Variants in PLAGL1 observed in about 807,000 individuals in gnomAD.
PLAGL1 encodes zinc finger protein PLAGL1.
A neutral mutation model predicts 4.6 loss-of-function variants in PLAGL1; 1 was observed. The ratio of observed to expected loss-of-function variants is 0.22; its 90% CI spans 0.08 to 1.03. The LOEUF is 1.03. Among genes scored for constraint, PLAGL1 ranks in the 50% least tolerant of loss-of-function variants. The probability of loss-of-function intolerance (pLI) is 0.58; values close to 1 mark genes in which losing one functional copy is unlikely to be tolerated. For missense variants in PLAGL1, 464 were observed against 570.4 expected, an observed-to-expected ratio of 0.81 and a Z score of 1.90; for synonymous variants, 240 against 237.8, an observed-to-expected ratio of 1.01 and a Z score of -0.08.
In PLAGL1 at chr6:144,061,560, CCAGT is replaced by C. The variant is rs1799402805; in HGVS notation, c.-151+2904_-151+2907del. On this transcript the variant is annotated intron_variant, in intron 1 of 3. Transcript: ENST00000437412. This position sits in a 1 kb window ranked among gnomAD's most constrained non-coding sequence, Gnocchi z 4.4. Reference sequence around the variant, plus strand: ...TGAGGACCTTGTTCAAGGTCACCAGCCAGTAAGTTATTCAAACTTGTTTAGCCCA... The same window carrying C: ...TGAGGACCTTGTTCAAGGTCACCAGCAAGTTATTCAAACTTGTTTAGCCCA... 6.6e-6 allele frequency among the ~76,000 whole-genome samples: 1 copy of C among 152,188 alleles called. No homozygotes were observed. Among genetic ancestry groups the C allele is most frequent in the African/African-American group, 2.4e-5 (1 of 41,436 alleles).
At position 143,976,998 on chromosome 6, in the gene PLAGL1, A is replaced by AT. The variant is rs961152648; in HGVS notation, c.-543-8021dup. ...AAAATATTTTCTAATTTCCTGTTCG[A>AT]TTTTTTTAAAATAGGCTACTTTTTA... is the stretch of plus-strand genomic sequence containing the variant. On this transcript the variant is annotated intron_variant, in intron 2 of 7. Coordinates refer to ENST00000674357, the MANE Select transcript of PLAGL1 (RefSeq NM_001317162.2). Among the ~76,000 whole-genome samples the AT allele has an allele frequency of 8.5e-5, 13 of 152,068 alleles. No individual in the cohort carries two copies. In the Middle Eastern group the frequency reaches 0.014, roughly 160 times the overall value.
rs1796400159 is a variant in PLAGL1 at position 144,027,198 on chromosome 6, T to G, written c.-151+37270A>C. The stretch of plus-strand genomic sequence containing the variant: ...ATGATCATGCCACTGCACTCCAGCT[T>G]GGGTGACAGAGAAAGACCCCAACTC... On this transcript the variant is annotated intron_variant, in intron 1 of 3. Coordinates refer to the PLAGL1 transcript ENST00000437412. The surrounding 1 kb of genome is among the most constrained non-coding windows in gnomAD (Gnocchi z 5.8). 7.0e-6 allele frequency among the ~76,000 whole-genome samples: 1 copy of G among 143,060 alleles called. No homozygotes were observed. The highest frequency in any genetic ancestry group is 1.5e-5 in the Non-Finnish European group (1 of 66,892). The allele number at this position is 143,060 out of a possible 152,430, so 93.9% of individuals were successfully genotyped here. A position where few individuals can be genotyped will look rare whatever the true frequency, so the allele number is the denominator to read the frequency against.
In PLAGL1 at chr6:144,050,459, G is replaced by A. The variant is rs942479633; in HGVS notation, c.-151+14009C>T. Among the ~76,000 whole-genome samples, 12 of 152,176 alleles carry A rather than the reference G, an allele frequency of 7.9e-5. No homozygotes were observed. The highest frequency in any genetic ancestry group is 2.9e-4 in the African/African-American group (12 of 41,436). ...TATGTTATTCTCTTTTCTTCTGTCT[G>A]AGGAGAGAAAGATTCTTCTACACTC... On this transcript the variant is annotated intron_variant, in intron 1 of 3. Coordinates refer to the PLAGL1 transcript ENST00000437412. This position sits in a 1 kb window ranked among gnomAD's most constrained non-coding sequence, Gnocchi z 4.3.
In PLAGL1 at chr6:143,941,868, C is replaced by G. The variant is rs147885532; in HGVS notation, c.948G>C (p.Leu316=). 8.6e-5 allele frequency: 139 copies of G among 1,614,088 alleles called. 1 individual carries two copies. The highest frequency in any genetic ancestry group is 1.1e-4 in the Non-Finnish European group (125 of 1,180,020). Residue 316 remains leucine, a synonymous_variant, in exon 8 of 8, where the codon CTG becomes CTC. Transcript: ENST00000674357. This position sits in a 1 kb window ranked among gnomAD's most constrained non-coding sequence, Gnocchi z 6.0. ...TSTSYSPLAS[L]PLKADTKGFC... ...AACCTTTAGTATCTGCTTTGAGGGGCAGGCTTGCAAGTGGGGAGTATGAGG... is the reference window on the plus strand; with the variant it reads ...AACCTTTAGTATCTGCTTTGAGGGGGAGGCTTGCAAGTGGGGAGTATGAGG...
intron 1 of PLAGL1, among the ~76,000 whole-genome samples, chr6:144,054,929 T>C (rs185004257): frequency 1.4e-4 from 22 of 152,116 alleles, no homozygotes; most frequent in African/African-American, 5.3e-4. Flanking sequence ...ATATAAATAA[T>C]AGAAATTTAA....
chr6:144,032,090 G>T lies in PLAGL1; in HGVS notation c.-151+32378C>A, dbSNP rs187565892. ...CACAATGGTTTTTATAAAATATATG[G>T]TATATCAAGTTTCTCCCTATAACTT... On this transcript the variant is annotated intron_variant, in intron 1 of 3. Transcript: ENST00000437412. Among the ~76,000 whole-genome samples the T allele has an allele frequency of 1.3e-3, 194 of 150,088 alleles. 4 individuals carry two copies. Among genetic ancestry groups the T allele is most frequent in the Non-Finnish European group, 3.3e-4 (22 of 67,608 alleles).
At chr6:144,040,561 A>C (rs1326461771) in intron 1 of PLAGL1, among the ~76,000 whole-genome samples, 1 of 147,360 alleles carries the variant, frequency 6.8e-6, no homozygotes, top group Non-Finnish European at 1.5e-5. Context: ...TAAAGAAAAC[A>C]ATGTCTAAAA....
In PLAGL1 at chr6:144,006,078, T is replaced by C. The variant is rs984815099; in HGVS notation, c.-584+2012A>G. 12 of 152,198 alleles carry C rather than the reference T, an allele frequency of 7.9e-5. No homozygotes were observed. Among genetic ancestry groups the C allele is most frequent in the African/African-American group, 2.2e-4 (9 of 41,470 alleles). 9.4% of individuals were successfully genotyped at this position (152,198 alleles called of 1,614,324 possible). ...AATGATGTTTTCTCCTAAATGCTTT[T>C]TGAAATATTATAAATTAAGTTATAA... On this transcript the variant is annotated intron_variant, in intron 1 of 7. Coordinates refer to ENST00000674357, the MANE Select transcript of PLAGL1 (RefSeq NM_001317162.2). The surrounding 1 kb of genome is among the most constrained non-coding windows in gnomAD (Gnocchi z 4.3).
rs1380335318 is a variant in PLAGL1, at chr6:144,048,638, C to A, written c.-151+15830G>T. ...ATGGCTGGGACACAGGGTGCCAAGT[C>A]CTGAGGCTACACAGAGCAGCATCAG... On this transcript the variant is annotated intron_variant, in intron 1 of 3. Coordinates refer to the PLAGL1 transcript ENST00000437412. The surrounding 1 kb of genome is among the most constrained non-coding windows in gnomAD (Gnocchi z 4.8). Among the ~76,000 whole-genome samples, 1 of 152,188 alleles carries A rather than the reference C, an allele frequency of 6.6e-6. No homozygotes were observed. The highest frequency in any genetic ancestry group is 2.4e-5 in the African/African-American group (1 of 41,448).
At chr6:144,028,451 A>G (rs1027313497) in intron 1 of PLAGL1, among the ~76,000 whole-genome samples, 2 of 152,338 alleles carry the variant, frequency 1.3e-5, no homozygotes, top group Middle Eastern at 3.4e-3. Context: ...AAGTGTGATG[A>G]AGATGTGGTG....
At position 143,965,978 on chromosome 6, in the gene PLAGL1, C is replaced by T. The variant is rs1203841620; in HGVS notation, c.-431+180G>A. On this transcript the variant is annotated intron_variant, in intron 4 of 7. Transcript: ENST00000674357. The surrounding 1 kb of genome is among the most constrained non-coding windows in gnomAD (Gnocchi z 7.5). The stretch of plus-strand genomic sequence containing the variant: ...CCAAACTCAATTTTCATGTGGCTTC[C>T]TTTAAACAAACCACAAGCTTAGTGA... 6.6e-6 allele frequency: 1 copy of T among 152,230 alleles called. No individual in the cohort carries two copies. The highest frequency in any genetic ancestry group is 2.4e-5 in the African/African-American group (1 of 41,456). 9.4% of individuals were successfully genotyped at this position (152,230 alleles called of 1,614,324 possible). A position where few individuals can be genotyped will look rare whatever the true frequency, so the allele number is the denominator to read the frequency against.
chr6:144,037,543 T>A (rs1416202876), intron 1 of PLAGL1: 3 of 152,082 alleles, frequency 2.0e-5, no homozygotes, highest in South Asian at 2.1e-4. Flanking sequence ...AGCTATCATA[T>A]GATTGTGCCA....
At chr6:144,014,718 T>C (rs1483006420) in intron 1 of PLAGL1, among the ~76,000 whole-genome samples, 1 of 152,018 alleles carries the variant, frequency 6.6e-6, no homozygotes, top group Non-Finnish European at 1.5e-5. Context: ...TAGCTCGGAC[T>C]ACAGAGAGAT....
rs1268868203 is a variant in PLAGL1 at position 143,973,009 on chromosome 6, T to G, written c.-543-4031A>C. On this transcript the variant is annotated intron_variant, in intron 2 of 7. Transcript: ENST00000674357. This position sits in a 1 kb window ranked among gnomAD's most constrained non-coding sequence, Gnocchi z 6.2. ...AAGCATGAGAAACTCCCGTCTCCTTTGGGGTGAATTTCCCAATTCCTCTGT... is the reference window on the plus strand; with the variant it reads ...AAGCATGAGAAACTCCCGTCTCCTTGGGGGTGAATTTCCCAATTCCTCTGT... 6.6e-6 allele frequency among the ~76,000 whole-genome samples: 1 copy of G among 152,222 alleles called. No homozygotes were observed. Among genetic ancestry groups the G allele is most frequent in the Non-Finnish European group, 1.5e-5 (1 of 68,040 alleles).
rs1057362749 is a variant in PLAGL1 at position 143,994,010 on chromosome 6, C to T, written c.-583-8836G>A. On this transcript the variant is annotated intron_variant, in intron 1 of 7. Transcript: ENST00000674357. This position sits in a 1 kb window ranked among gnomAD's most constrained non-coding sequence, Gnocchi z 4.3. ...GCTCAGTTCCCAACTAGGGCAAATT[C>T]TCAAATGTTCACTTCATATATGGCT... Among the ~76,000 whole-genome samples, 1 of 150,414 alleles carries T rather than the reference C, an allele frequency of 6.6e-6. No homozygotes were observed. The highest frequency in any genetic ancestry group is 6.6e-5 in the Admixed American group (1 of 15,070).
chr6:143,946,148 CACAGGTTTCACACCCTGCAAA>C (rs1331170678), intron 7 of PLAGL1, among the ~76,000 whole-genome samples: 1 of 152,240 alleles, frequency 6.6e-6, no homozygotes, highest in Non-Finnish European at 1.5e-5. Context: ...CTTCGGTATA[CACAGGTTTCACACCCTGCAAA>C]TACTGTACTT....
At chr6:143,996,028 C>A (rs1233911615) in intron 1 of PLAGL1, among the ~76,000 whole-genome samples, 1 of 152,176 alleles carries the variant, frequency 6.6e-6, no homozygotes, top group Non-Finnish European at 1.5e-5. Flanking sequence ...GTCACCCTCC[C>A]ACCATCGTCC....
rs550873058 is a variant in PLAGL1, at chr6:143,983,930, G to A, written c.-544+1205C>T. ...TTGAAGGAGAGGAAATCAAGAAACC[G>A]AGAAGCCAGGCTGTTAAGACTCTAC... On this transcript the variant is annotated intron_variant, in intron 2 of 7. Transcript: ENST00000674357. The surrounding 1 kb of genome is among the most constrained non-coding windows in gnomAD (Gnocchi z 6.6). 1.4e-4 allele frequency among the ~76,000 whole-genome samples: 22 copies of A among 152,180 alleles called. No individual in the cohort carries two copies. Among genetic ancestry groups the A allele is most frequent in the African/African-American group, 3.6e-4 (15 of 41,530 alleles).
At position 144,034,738 on chromosome 6, in the gene PLAGL1, A is replaced by AG. The variant is rs1797096110; in HGVS notation, c.-151+29729_-151+29730insC. Among the ~76,000 whole-genome samples, 1 of 152,108 alleles carries AG rather than the reference A, an allele frequency of 6.6e-6. No homozygotes were observed. Among genetic ancestry groups the AG allele is most frequent in the Non-Finnish European group, 1.5e-5 (1 of 68,004 alleles). ...CTAGCTTTTAAGATTGAAAAAAAAA[A>AG]TCTTCCTTGGAGGGGACTGTCATCT... On this transcript the variant is annotated intron_variant, in intron 1 of 3. Transcript: ENST00000437412. The surrounding 1 kb of genome is among the most constrained non-coding windows in gnomAD (Gnocchi z 4.7).
Sources: gnomAD v4.1 joint callset for allele counts (sites outside exome capture counted in the v4.1 genomes callset) on GRCh38, gnomAD v4.1.1 for gene constraint, Gnocchi (gnomAD v3.1) non-coding constraint, MANE v1.5 for transcripts, NCBI Gene and HGNC (gene_info 2026-07-23, HGNC 2026-07-21) for gene names.